The following SLC4A7 variants were observed in gnomAD, a reference collection of about 807,000 sequenced individuals.
SLC4A7 encodes solute carrier family 4 member 7.
A neutral mutation model predicts 137.6 loss-of-function variants in SLC4A7; 51 were observed. The observed-to-expected ratio is 0.37, with a 90% CI of 0.30 to 0.47. The LOEUF (loss-of-function observed/expected upper bound fraction) is 0.47. SLC4A7 is among the 20% of genes least tolerant of loss of function. The probability of loss-of-function intolerance (pLI) is 1.00; values close to 1 mark genes in which losing one functional copy is unlikely to be tolerated. For missense variants in SLC4A7, 1,247 were observed against 1,525.4 expected (o/e 0.82, Z 3.04); for synonymous variants, 542 against 518.6 (o/e 1.05, Z -0.61).
intron 1 of SLC4A7, among the ~76,000 whole-genome samples, chr3:27,481,592 T>A (rs183285262): frequency 1.3e-5 from 2 of 152,334 alleles, no homozygotes; most frequent in Admixed American, 6.5e-5. Flanking sequence ...ACGCCAATAG[T>A]TCCTCTTTCC....
chr3:27,422,670 A>C, intron 8 of SLC4A7: 1 of 387,176 alleles, frequency 2.6e-6, no homozygotes, highest in East Asian at 7.4e-5. Flanking sequence ...ATTACAAGGA[A>C]AAGGTTACAC....
At chr3:27,416,079 A>G (rs2054355649) in intron 11 of SLC4A7, among the ~76,000 whole-genome samples, 1 of 152,202 alleles carries the variant, frequency 6.6e-6, no homozygotes, top group Non-Finnish European at 1.5e-5. Context: ...AGGACTTCCT[A>G]TGAGTCCCAT....
In SLC4A7 at chr3:27,383,187, G is replaced by A. The variant is rs748751979; in HGVS notation, c.3556C>T (p.Leu1186Phe). 34 of 1,613,094 alleles carry A rather than the reference G, an allele frequency of 2.1e-5. No homozygotes were observed. The highest frequency in any genetic ancestry group is 2.9e-5 in the Non-Finnish European group (34 of 1,179,258). Residue 1186 changes from leucine (L) to phenylalanine (F), a missense_variant, in exon 24 of 26, where the codon CTC becomes TTC. Coordinates refer to ENST00000454389, the MANE Select transcript of SLC4A7 (RefSeq NM_001321103.2). ...TVHLPFEGGS[L>F]LQIPVKALKY... ...AGGGCCTTGACTGGAATTTGCAAGA[G>A]ACTTCCCCCTTCAAATGGAAGGTGC...
At position 27,404,821 on chromosome 3, in the gene SLC4A7, ATTAC is replaced by A; in HGVS notation, c.2075+5_2075+8del. The A allele has an allele frequency of 6.3e-7, 1 of 1,586,062 alleles. No homozygotes were observed. Among genetic ancestry groups the A allele is most frequent in the Non-Finnish European group, 8.6e-7 (1 of 1,162,932 alleles). ...ACACATGTGATAAGTAGAGAGGGCT[ATTAC>A]TTACCTGCAGAATTTATATAAAATT... is the stretch of plus-strand genomic sequence containing the variant. On this transcript the variant is annotated splice_donor_5th_base_variant and intron_variant, in intron 14 of 25. Transcript: ENST00000454389.
At chr3:27,481,428 AAG>A (rs1176313995) in intron 1 of SLC4A7, among the ~76,000 whole-genome samples, 1 of 152,222 alleles carries the variant, frequency 6.6e-6, no homozygotes, top group Non-Finnish European at 1.5e-5. Context: ...TTACAAATCT[AAG>A]ATGGGATTTT....
intron 3 of SLC4A7, among the ~76,000 whole-genome samples, chr3:27,440,996 G>A (rs1477852877): frequency 1.3e-5 from 2 of 152,184 alleles, no homozygotes; most frequent in Non-Finnish European, 2.9e-5. Context: ...AGTGAGCCAA[G>A]ATCGCATCAT....
At chr3:27,388,111 TTTTTTG>T (rs1402458809) in intron 22 of SLC4A7, among the ~76,000 whole-genome samples, 5 of 152,212 alleles carry the variant, frequency 3.3e-5, no homozygotes, top group East Asian at 3.8e-4. Context: ...GGGCTCAGTC[TTTTTTG>T]TTTTTAACTA....
chr3:27,431,545 T>G lies in SLC4A7; in HGVS notation c.903A>C (p.Gly301=). The G allele has an allele frequency of 2.5e-6, 4 of 1,614,150 alleles. No homozygotes were observed. Among genetic ancestry groups the G allele is most frequent in the Non-Finnish European group, 3.4e-6 (4 of 1,180,002 alleles). ...LGHLLPSSRA[G]TPAGSRCTTP... ...TTGTACACCTTGAGCCTGCAGGGGT[T>G]CCAGCTCTTGAAGAAGGAAGAAGAT... The change falls in exon 7 of 26, where the codon GGA becomes GGC. Residue 301 remains glycine (G), a synonymous_variant. Transcript: ENST00000454389.
At chr3:27,404,994 C>T in intron 13 of SLC4A7, 31 bp from the exon 14 acceptor site, 1 of 1,505,476 alleles carries the variant, frequency 6.6e-7, no homozygotes, top group Non-Finnish European at 8.9e-7. Flanking sequence ...TGAATAAAAG[C>T]AATACATCAT....
chr3:27,453,177 G>A (rs1421640029), intron 1 of SLC4A7, among the ~76,000 whole-genome samples: 1 of 152,100 alleles, frequency 6.6e-6, no homozygotes, highest in Non-Finnish European at 1.5e-5. Context: ...TTTTTAAGAG[G>A]ATAAAATTTT....
chr3:27,389,679 T>G (rs929634250), intron 22 of SLC4A7, among the ~76,000 whole-genome samples: 15 of 152,168 alleles, frequency 9.9e-5, no homozygotes, highest in Admixed American at 2.6e-4. Flanking sequence ...AATTCTGAAG[T>G]TATTTAAAAA....
intron 10 of SLC4A7, among the ~76,000 whole-genome samples, chr3:27,419,498 G>C (rs993956731): frequency 1.3e-5 from 2 of 150,914 alleles, no homozygotes; most frequent in Admixed American, 6.6e-5. Flanking sequence ...ACCACACCCA[G>C]CTAATTTTTG....
rs1393073072 is a variant in SLC4A7 at position 27,372,926 on chromosome 3, T to C, written c.*3838A>G. On this transcript the variant is annotated 3_prime_UTR_variant, in exon 26 of 26. Transcript: ENST00000454389. The stretch of plus-strand genomic sequence containing the variant: ...GATTTTATTATAGAAGAAAATATCA[T>C]TGTAATTATAAAAGCCATAAAAATT... 7 of 152,536 alleles carry C rather than the reference T, an allele frequency of 4.6e-5. No homozygotes were observed. The highest frequency in any genetic ancestry group is 1.3e-4 in the Admixed American group (2 of 15,272). 9.4% of individuals were successfully genotyped at this position (152,536 alleles called of 1,614,324 possible).
At chr3:27,475,722 A>T (rs1373260798) in intron 1 of SLC4A7, among the ~76,000 whole-genome samples, 1 of 152,214 alleles carries the variant, frequency 6.6e-6, no homozygotes, top group African/African-American at 2.4e-5. Context: ...CTAATGGCAT[A>T]TGCAAAAATG....
At chr3:27,473,127 A>G (rs1275579084) in intron 1 of SLC4A7, among the ~76,000 whole-genome samples, 1 of 151,746 alleles carries the variant, frequency 6.6e-6, no homozygotes, top group Non-Finnish European at 1.5e-5. Context: ...GGAAGAAAAC[A>G]TCTATCTCAA....
chr3:27,404,353 T>A (rs1166864012), intron 14 of SLC4A7, among the ~76,000 whole-genome samples: 1 of 152,098 alleles, frequency 6.6e-6, no homozygotes, highest in Non-Finnish European at 1.5e-5. Flanking sequence ...GGCAACAGAG[T>A]GAGATTCAGT....
At chr3:27,394,406 G>A (rs56358089) in intron 20 of SLC4A7, 112 bp downstream of exon 20, 3 of 974,276 alleles carry the variant, frequency 3.1e-6, no homozygotes, top group Non-Finnish European at 4.6e-6. Context: ...GTAAACTGTG[G>A]AAAACAAACC....
At chr3:27,478,899 G>A (rs1235312173) in intron 1 of SLC4A7, among the ~76,000 whole-genome samples, 1 of 151,842 alleles carries the variant, frequency 6.6e-6, no homozygotes, top group East Asian at 1.9e-4. Context: ...CAGCTACTGG[G>A]GAGGCTGAGG....
chr3:27,483,208 A>C (rs1035824806), intron 1 of SLC4A7, among the ~76,000 whole-genome samples: 1 of 152,250 alleles, frequency 6.6e-6, no homozygotes, highest in Non-Finnish European at 1.5e-5. Context: ...TGCTCTAAAG[A>C]AAGCAGGAAG....
Sources: allele counts gnomAD v4.1 joint callset (sites outside exome capture counted in the v4.1 genomes callset), GRCh38; gene constraint gnomAD v4.1.1; transcripts MANE v1.5; gene names NCBI Gene and HGNC (gene_info 2026-07-23, HGNC 2026-07-21).